HDAC9: variants seen among roughly 807,000 people sequenced by gnomAD.
HDAC9 encodes the protein MEF-2 interacting transcription repressor (MITR) protein.
A neutral mutation model predicts 139.4 loss-of-function variants in HDAC9; 41 were observed. The observed-to-expected ratio is 0.29, with a 90% CI of 0.23 to 0.38. HDAC9 has a LOEUF of 0.38. HDAC9 is among the 10% of genes least tolerant of loss of function. HDAC9 has a pLI of 1.00. For missense variants in HDAC9, 1,147 were observed against 1,297.0 expected, an observed-to-expected ratio of 0.88 and a Z score of 1.78; for synonymous variants, 517 against 476.2, an observed-to-expected ratio of 1.09 and a Z score of -1.12.
chr7:18,772,647 A>T (rs1790412163), intron 16 of HDAC9, among the ~76,000 whole-genome samples: 1 of 152,076 alleles, frequency 6.6e-6, no homozygotes, highest in African/African-American at 2.4e-5. Context: ...AAAAGGATCC[A>T]CCCTGATTTA....
At chr7:18,225,328 T>C (rs1404234486) in intron 2 of HDAC9, among the ~76,000 whole-genome samples, 1 of 152,106 alleles carries the variant, frequency 6.6e-6, no homozygotes, top group East Asian at 1.9e-4. Context: ...AAATTTGGAG[T>C]TTTCAAAACC....
chr7:18,985,527 C>T (rs139796587), intron 25 of HDAC9, among the ~76,000 whole-genome samples: 201 of 152,068 alleles, frequency 1.3e-3, no homozygotes, highest in East Asian at 4.3e-3. Flanking sequence ...CCGCAATAAA[C>T]GTACGTGTGC....
chr7:18,781,422 C>T (rs181054502), intron 16 of HDAC9, among the ~76,000 whole-genome samples: 125 of 152,088 alleles, frequency 8.2e-4, no homozygotes, highest in Non-Finnish European at 1.1e-3. Context: ...ACTAATAATA[C>T]TTTTATAAAG....
At chr7:18,469,031 A>G (rs956196238) in intron 1 of HDAC9, among the ~76,000 whole-genome samples, 3 of 152,202 alleles carry the variant, frequency 2.0e-5, no homozygotes, top group East Asian at 1.9e-4. Flanking sequence ...TCTAAGTCTT[A>G]TAATCACCTA....
chr7:18,743,000 A>T (rs1193195743), intron 13 of HDAC9, among the ~76,000 whole-genome samples: 1 of 152,190 alleles, frequency 6.6e-6, no homozygotes, highest in Non-Finnish European at 1.5e-5. Flanking sequence ...TGCTTCCTAT[A>T]GTAAATCATG....
chr7:18,948,057 A>G (rs976170283), intron 23 of HDAC9, among the ~76,000 whole-genome samples: 1 of 152,058 alleles, frequency 6.6e-6, no homozygotes, highest in Non-Finnish European at 1.5e-5. Context: ...AAATAGAAAT[A>G]AAAAATGTTT....
intron 2 of HDAC9, among the ~76,000 whole-genome samples, chr7:18,525,983 C>T (rs530919537): frequency 6.6e-6 from 1 of 152,318 alleles, no homozygotes; most frequent in Non-Finnish European, 1.5e-5. Context: ...GTGGCTTCCC[C>T]ACTTTTATCT....
intron 2 of HDAC9, among the ~76,000 whole-genome samples, chr7:18,542,909 A>G (rs1813478318): frequency 6.6e-6 from 1 of 152,188 alleles, no homozygotes; most frequent in Non-Finnish European, 1.5e-5. Context: ...ATTAGAAGCT[A>G]CCTAAAATCT....
chr7:18,731,984 A>G (rs1045682799), intron 13 of HDAC9, among the ~76,000 whole-genome samples: 2 of 151,916 alleles, frequency 1.3e-5, no homozygotes, highest in African/African-American at 4.8e-5. Context: ...CAAAAGACAT[A>G]ATTGAATTTA....
intron 1 of HDAC9, among the ~76,000 whole-genome samples, chr7:18,093,318 G>A (rs1261092453): frequency 1.3e-5 from 2 of 152,148 alleles, no homozygotes; most frequent in African/African-American, 2.4e-5. Context: ...CTGAAGTCTT[G>A]TAGTACACAT....
intron 22 of HDAC9, 102 bp downstream of exon 22, chr7:18,874,698 G>T: frequency 1.5e-6 from 1 of 673,386 alleles, no homozygotes; most frequent in Non-Finnish European, 2.7e-6. Context: ...GTAAACTTGG[G>T]TGAGACATTT....
chr7:18,447,214 T>C (rs1792377482), intron 1 of HDAC9, among the ~76,000 whole-genome samples: 1 of 152,172 alleles, frequency 6.6e-6, no homozygotes, highest in Admixed American at 6.6e-5. Flanking sequence ...ACAGAGAGTT[T>C]AAAATTATTT....
In HDAC9 at chr7:18,253,320, A is replaced by T. The variant is rs572407944; in HGVS notation, c.25+90971A>T. Among the ~76,000 whole-genome samples the T allele has an allele frequency of 9.9e-5, 15 of 151,104 alleles. No individual in the cohort carries two copies. In the South Asian group the frequency reaches 3.2e-3, roughly 32 times the overall value. ...TATTTCTGTTTTTAGGTATTTGAGGAATTGCCACACTGTTTTCCAGAGTGG... is the reference window on the plus strand; with the variant it reads ...TATTTCTGTTTTTAGGTATTTGAGGTATTGCCACACTGTTTTCCAGAGTGG... On this transcript the variant is annotated intron_variant, in intron 2 of 12. Transcript: ENST00000417496.
intron 22 of HDAC9, among the ~76,000 whole-genome samples, chr7:18,933,428 CT>C (rs1781401997): frequency 6.6e-6 from 1 of 151,996 alleles, no homozygotes; most frequent in Non-Finnish European, 1.5e-5. Flanking sequence ...TCTGGGGTCC[CT>C]TTTGTAAGGG....
At chr7:18,837,625 G>T (rs573006913) in intron 21 of HDAC9, among the ~76,000 whole-genome samples, 2 of 151,882 alleles carry the variant, frequency 1.3e-5, no homozygotes, top group South Asian at 2.1e-4. Context: ...TTAAATTATC[G>T]TAATTCCATT....
intron 2 of HDAC9, among the ~76,000 whole-genome samples, chr7:18,206,894 A>G (rs1050847085): frequency 2.0e-5 from 3 of 148,180 alleles, no homozygotes; most frequent in Admixed American, 2.0e-4. Context: ...TCATTTATGT[A>G]TTGCCTCATT....
At chr7:18,963,134 G>T (rs974227875) in intron 24 of HDAC9, among the ~76,000 whole-genome samples, 1 of 152,142 alleles carries the variant, frequency 6.6e-6, no homozygotes, top group Non-Finnish European at 1.5e-5. Flanking sequence ...TAGTGGGCTT[G>T]CTAGAATGTC....
At position 18,844,934 on chromosome 7, in the gene HDAC9, C is replaced by T. The variant is rs532048213; in HGVS notation, c.2684+8937C>T. Among the ~76,000 whole-genome samples, 5 of 152,232 alleles carry T rather than the reference C, an allele frequency of 3.3e-5. No homozygotes were observed. The South Asian group carries it at 1.0e-3, about 32-fold the overall frequency. ...CAGTACTTCTAAAATGAAAACAGCA[C>T]TGTAGAAATGATTCAGTGATGGCTT... On this transcript the variant is annotated intron_variant, in intron 21 of 25. Transcript: ENST00000686413.
rs749357743 is a variant in HDAC9, at chr7:18,590,225, A to G, written c.265-111A>G. ...ATTTACAGAAAAAGTGGGTACAAAT[A>G]TGAACTAAATACAAACAAGTTCCAA... On this transcript the variant is annotated intron_variant, in intron 3 of 25. Transcript: ENST00000686413. The G allele has an allele frequency of 3.6e-6, 4 of 1,120,046 alleles. No individual in the cohort carries two copies. The South Asian group carries it at 5.0e-5, about 14-fold the overall frequency. The allele number at this position is 1,120,046 out of a possible 1,614,324, so 69.4% of individuals were successfully genotyped here. A position where few individuals can be genotyped will look rare whatever the true frequency, so the allele number is the denominator to read the frequency against.
Sources: allele counts gnomAD v4.1 joint callset (sites outside exome capture counted in the v4.1 genomes callset), GRCh38; gene constraint gnomAD v4.1.1; transcripts MANE v1.5; gene names NCBI Gene and HGNC (gene_info 2026-07-23, HGNC 2026-07-21).